USPL1: variants seen among roughly 807,000 people sequenced by gnomAD.
USPL1 encodes ubiquitin specific peptidase like 1.
In USPL1, 27 loss-of-function variants were observed where a neutral mutation model predicts 51.5. The ratio of observed to expected loss-of-function variants is 0.52; its 90% CI spans 0.39 to 0.72. The LOEUF (loss-of-function observed/expected upper bound fraction) is 0.72, where lower values mean the gene tolerates loss of function less well. Ranked by LOEUF, USPL1 falls within the 30% of genes least tolerant of loss-of-function variation. The pLI, the probability that USPL1 is intolerant of heterozygous loss-of-function variation, is 0.00. For synonymous variants in USPL1, 451 were observed against 459.6 expected (o/e 0.98, Z 0.24); for missense variants, 1,226 against 1,268.0 (o/e 0.97, Z 0.50).
At position 30,621,199 on chromosome 13, in the gene USPL1, T is replaced by C. The variant is rs778400154; in HGVS notation, c.59T>C (p.Ile20Thr). 19 of 1,605,310 alleles carry C rather than the reference T, an allele frequency of 1.2e-5. No homozygotes were observed. Among genetic ancestry groups the C allele is most frequent in the South Asian group, 7.9e-5 (7 of 88,442 alleles). ...CCAGTGATTGGACCAGGGACTGATA[T>C]AGGGATATCTTCACTCCACATGGTG... is the stretch of plus-strand genomic sequence containing the variant. ...GLPVIGPGTDIGISSLHMVGY... is the reference protein window; with the variant it reads ...GLPVIGPGTDTGISSLHMVGY... The change falls in exon 2 of 9, where the codon ATA becomes ACA. Residue 20 changes from isoleucine to threonine, a missense_variant. By Grantham distance (89) the Ile-to-Thr change is moderately conservative. Transcript: ENST00000255304.
At chr13:30,653,414 C>A in intron 8 of USPL1, 109 bp downstream of exon 8, 2 of 1,105,234 alleles carry the variant, frequency 1.8e-6, no homozygotes, top group South Asian at 1.7e-5. Flanking sequence ...TTTGTCCTGA[C>A]TCTTTCTCTC....
intron 5 of USPL1, among the ~76,000 whole-genome samples, chr13:30,642,397 G>A (rs573884983): frequency 1.8e-4 from 27 of 152,042 alleles, no homozygotes; most frequent in African/African-American, 6.5e-4. Flanking sequence ...ATAAATGTCT[G>A]CCAAGGAAAA....
chr13:30,625,425 A>G (rs1197731826), intron 3 of USPL1, among the ~76,000 whole-genome samples: 1 of 145,846 alleles, frequency 6.9e-6, no homozygotes, highest in Non-Finnish European at 1.5e-5. Flanking sequence ...ATAGATTTTT[A>G]GTTGGTTTTT....
chr13:30,637,428 A>T (rs1388387113), intron 4 of USPL1, among the ~76,000 whole-genome samples: 2 of 152,188 alleles, frequency 1.3e-5, no homozygotes, highest in South Asian at 2.1e-4. Context: ...GCACATAAGG[A>T]GGTAACTTTA....
intron 8 of USPL1, among the ~76,000 whole-genome samples, chr13:30,653,600 T>C (rs544142394): frequency 3.1e-4 from 47 of 152,322 alleles, no homozygotes; most frequent in South Asian, 2.1e-4. Flanking sequence ...AGTTTTTTTT[T>C]CCCTACTTAA....
At chr13:30,645,500 CTTTT>C (rs766514237) in intron 6 of USPL1, among the ~76,000 whole-genome samples, 78 of 152,104 alleles carry the variant, frequency 5.1e-4, no homozygotes, top group Non-Finnish European at 6.2e-4. Flanking sequence ...CTTTTGTTTG[CTTTT>C]TTGTTTTTTA....
chr13:30,619,089 A>T lies in USPL1; in HGVS notation c.-69+1033A>T, dbSNP rs570037642. 5.0e-4 allele frequency among the ~76,000 whole-genome samples: 76 copies of T among 152,302 alleles called. No individual in the cohort carries two copies. The South Asian group carries it at 0.013, about 26-fold the overall frequency. On this transcript the variant is annotated intron_variant, in intron 1 of 8. Transcript: ENST00000255304. ...CTAGTCTGTGTGTTTGGAAGGATGG[A>T]GACGCCCACATTTAAGTGAGATATG...
chr13:30,621,292 T>G (rs1950644358), intron 2 of USPL1, 53 bp downstream of exon 2: 2 of 1,347,252 alleles, frequency 1.5e-6, no homozygotes, highest in Admixed American at 2.4e-5. Context: ...TTTCTCTATT[T>G]TTGAGACTTA....
Position 30,659,486 on chromosome 13 carries a change from T to G in USPL1, c.*130T>G. On this transcript the variant is annotated 3_prime_UTR_variant, in exon 9 of 9. Transcript: ENST00000255304. ...AATAACCATGAACAAAATGCAAGGT[T>G]TAACCTTTGGTTCTGCCCATGAAGC... 1 of 840,454 alleles carries G rather than the reference T, an allele frequency of 1.2e-6. No homozygotes were observed. The highest frequency in any genetic ancestry group is 1.7e-6 in the Non-Finnish European group (1 of 573,674). The allele number at this position is 840,454 out of a possible 1,614,324, so 52.1% of individuals were successfully genotyped here. A position where few individuals can be genotyped will look rare whatever the true frequency, so the allele number is the denominator to read the frequency against.
chr13:30,638,338 T>C (rs151057102), intron 5 of USPL1, among the ~76,000 whole-genome samples: 1 of 152,330 alleles, frequency 6.6e-6, no homozygotes, highest in African/African-American at 2.4e-5. Context: ...CCAACCATAG[T>C]AATTCTACTT....
intron 3 of USPL1, among the ~76,000 whole-genome samples, chr13:30,625,764 A>G (rs1292831294): frequency 6.6e-6 from 1 of 152,090 alleles, no homozygotes; most frequent in Non-Finnish European, 1.5e-5. Flanking sequence ...TTTTTGAAGC[A>G]TTCTTTTTCA....
At chr13:30,634,181 G>A (rs145306302) in intron 4 of USPL1, among the ~76,000 whole-genome samples, 48 of 152,264 alleles carry the variant, frequency 3.2e-4, no homozygotes, top group Non-Finnish European at 6.5e-4. Context: ...TTGAACACAA[G>A]CACTGCAATA....
intron 3 of USPL1, 104 bp from the exon 4 acceptor site, chr13:30,630,726 CATCAA>C (rs1489148143): frequency 5.0e-6 from 6 of 1,192,334 alleles, no homozygotes; most frequent in Non-Finnish European, 6.9e-6. Flanking sequence ...TATAACCTGT[CATCAA>C]ATCAATGCTA....
intron 5 of USPL1, among the ~76,000 whole-genome samples, chr13:30,640,855 A>G (rs1335805659): frequency 6.6e-6 from 1 of 152,210 alleles, no homozygotes; most frequent in East Asian, 1.9e-4. Context: ...ACCATGTAGA[A>G]ATATGTACAT....
chr13:30,653,039 A>G (rs1951111496), intron 7 of USPL1, 109 bp from the exon 8 acceptor site: 1 of 1,129,108 alleles, frequency 8.9e-7, no homozygotes, highest in Non-Finnish European at 1.2e-6. Flanking sequence ...AAATTAGTGC[A>G]GTTAGCCTTG....
chr13:30,639,501 C>T (rs1950919185), intron 5 of USPL1, among the ~76,000 whole-genome samples: 1 of 151,976 alleles, frequency 6.6e-6, no homozygotes, highest in East Asian at 1.9e-4. Context: ...TCTGACATTT[C>T]CTCCTCTAGG....
In USPL1 at chr13:30,657,691, T is replaced by TGCTGCCTCAGCTGAA. The variant is rs1362566337; in HGVS notation, c.1615_1629dup (p.Ala539_Glu543dup). 6.2e-7 allele frequency: 1 copy of TGCTGCCTCAGCTGAA among 1,614,190 alleles called. No homozygotes were observed. On this transcript the variant is annotated inframe_insertion, in exon 9 of 9. Transcript: ENST00000255304. ...CTTTAACATCGTGTTCTGTGGGTGA[T>TGCTGCCTCAGCTGAA]GCTGCCTCAGCTGAAACAGCCTCAG...
chr13:30,621,285 C>A lies in USPL1; in HGVS notation c.99+46C>A, dbSNP rs759216476. ...CCTGAGTGCAAAGTTTTTTTTTTTT[C>A]TCTATTTTTGAGACTTAAATTCAAT... is the stretch of plus-strand genomic sequence containing the variant. On this transcript the variant is annotated intron_variant, in intron 2 of 8. Coordinates refer to ENST00000255304, the MANE Select transcript of USPL1 (RefSeq NM_005800.5). The A allele has an allele frequency of 8.2e-6, 10 of 1,216,874 alleles. No individual in the cohort carries two copies. The Admixed American group carries it at 2.0e-4, about 25-fold the overall frequency. 75.4% of individuals were successfully genotyped at this position (1,216,874 alleles called of 1,614,324 possible).
chr13:30,660,063 A>G lies in USPL1; in HGVS notation c.*707A>G, dbSNP rs1951236861. 6.6e-6 allele frequency: 1 copy of G among 152,280 alleles called. No individual in the cohort carries two copies. The highest frequency in any genetic ancestry group is 6.5e-5 in the Admixed American group (1 of 15,280). The allele number at this position is 152,280 out of a possible 1,614,324, so 9.4% of individuals were successfully genotyped here. A position where few individuals can be genotyped will look rare whatever the true frequency, so the allele number is the denominator to read the frequency against. ...CCTGGAGAGGATAGCTTCTATCCAT[A>G]GGCAGGTTGTTCTGCCGTCTCTACA... On this transcript the variant is annotated 3_prime_UTR_variant, in exon 9 of 9. Coordinates refer to ENST00000255304, the MANE Select transcript of USPL1 (RefSeq NM_005800.5).
Sources: allele counts gnomAD v4.1 joint callset (sites outside exome capture counted in the v4.1 genomes callset), GRCh38; gene constraint gnomAD v4.1.1; transcripts MANE v1.5; gene names NCBI Gene and HGNC (gene_info 2026-07-23, HGNC 2026-07-21).